Variants in DCDC2C observed in about 807,000 individuals in gnomAD.
DCDC2C encodes the protein doublecortin domain containing 2C.
Under a neutral mutation model 45.0 loss-of-function variants are expected in DCDC2C, and 44 were observed. The ratio of observed to expected loss-of-function variants is 0.98; its 90% CI spans 0.77 to 1.26. The LOEUF is 1.26. Ranked by LOEUF, DCDC2C falls within the 50% of genes most tolerant of loss-of-function variation. The probability of loss-of-function intolerance (pLI) is 0.00; values close to 1 mark genes in which losing one functional copy is unlikely to be tolerated. For synonymous variants in DCDC2C, 187 were observed against 178.8 expected, an observed-to-expected ratio of 1.05 and a Z score of -0.37; for missense variants, 447 against 468.9, an observed-to-expected ratio of 0.95 and a Z score of 0.43.
intron 10 of DCDC2C, among the ~76,000 whole-genome samples, chr2:3,797,044 A>C (rs995213204): frequency 7.6e-4 from 116 of 152,106 alleles, no homozygotes; most frequent in African/African-American, 2.6e-3. Flanking sequence ...CCACAATTTC[A>C]GCTTCTGTTA....
intron 10 of DCDC2C, among the ~76,000 whole-genome samples, chr2:3,828,972 G>A (rs771246113): frequency 7.9e-5 from 12 of 152,132 alleles, no homozygotes; most frequent in African/African-American, 2.9e-4. Context: ...ATTAGGAAGC[G>A]GAGGGGTATT....
At chr2:3,705,285 T>C (rs1668037063) in intron 1 of DCDC2C, among the ~76,000 whole-genome samples, 1 of 152,224 alleles carries the variant, frequency 6.6e-6, no homozygotes, top group African/African-American at 2.4e-5. Context: ...TGCTAAGAGG[T>C]AGAATCTGGA....
chr2:3,815,951 A>G (rs1276094295), intron 10 of DCDC2C, among the ~76,000 whole-genome samples: 11 of 152,210 alleles, frequency 7.2e-5, no homozygotes, highest in African/African-American at 2.7e-4. Context: ...TCTTATATTT[A>G]CAAGAAAAAT....
chr2:3,766,137 G>A (rs1572599154), intron 6 of DCDC2C, among the ~76,000 whole-genome samples: 1 of 152,064 alleles, frequency 6.6e-6, no homozygotes, highest in South Asian at 2.1e-4. Context: ...CCGGGGTGGT[G>A]GGGGCTGGGT....
chr2:3,781,048 C>T (rs1301560356), intron 9 of DCDC2C, among the ~76,000 whole-genome samples: 2 of 152,246 alleles, frequency 1.3e-5, no homozygotes, highest in Admixed American at 1.3e-4. Flanking sequence ...TCAGTCTTTG[C>T]TTCTAACATG....
intron 2 of DCDC2C, among the ~76,000 whole-genome samples, chr2:3,711,186 T>C (rs1668198889): frequency 6.6e-6 from 1 of 152,100 alleles, no homozygotes; most frequent in African/African-American, 2.4e-5. Flanking sequence ...TTTTACACTG[T>C]TGGTGGGAGG....
chr2:3,715,921 C>T (rs957794242), intron 2 of DCDC2C, among the ~76,000 whole-genome samples: 1 of 152,022 alleles, frequency 6.6e-6, no homozygotes. Flanking sequence ...TTTAGGATGA[C>T]CAGGTGGTCT....
intron 3 of DCDC2C, among the ~76,000 whole-genome samples, chr2:3,728,313 C>T (rs1025857513): frequency 5.9e-5 from 9 of 152,240 alleles, no homozygotes; most frequent in Non-Finnish European, 1.3e-4. Context: ...CACAAGGGGG[C>T]CACCTAAATA....
rs981514761 is a variant in DCDC2C at position 3,818,299 on chromosome 2, G to A, written c.1066-28855G>A. Among the ~76,000 whole-genome samples, 2 of 152,186 alleles carry A rather than the reference G, an allele frequency of 1.3e-5. No individual in the cohort carries two copies. Among genetic ancestry groups the A allele is most frequent in the African/African-American group, 4.8e-5 (2 of 41,442 alleles). ...CCCAGGTAATTTGCTGAGCCTGATG[G>A]GTGTCAGGGTCTGTCCAAGTGAAAG... is the stretch of plus-strand genomic sequence containing the variant. On this transcript the variant is annotated intron_variant, in intron 10 of 10. Transcript: ENST00000399143. This position sits in a 1 kb window ranked among gnomAD's most constrained non-coding sequence, Gnocchi z 4.7.
chr2:3,806,357 C>T (rs1210282243), intron 10 of DCDC2C, among the ~76,000 whole-genome samples: 2 of 152,234 alleles, frequency 1.3e-5, no homozygotes, highest in Non-Finnish European at 2.9e-5. Context: ...CAGCTTCCCT[C>T]ACCCGTTTCT....
intron 8 of DCDC2C, among the ~76,000 whole-genome samples, chr2:3,772,156 T>C (rs556464904): frequency 1.3e-5 from 2 of 152,318 alleles, no homozygotes; most frequent in East Asian, 3.9e-4. Flanking sequence ...CCTTCTAGGT[T>C]GAAGAAGGGA....
At chr2:3,763,137 G>A (rs376587503) in intron 6 of DCDC2C, among the ~76,000 whole-genome samples, 10 of 152,254 alleles carry the variant, frequency 6.6e-5, no homozygotes, top group East Asian at 5.8e-4. Flanking sequence ...CAGTGTGTCC[G>A]GAGTCAAGTC....
chr2:3,704,126 C>A, intron 1 of DCDC2C, 88 bp downstream of exon 1: 2 of 1,122,222 alleles, frequency 1.8e-6, no homozygotes, highest in Non-Finnish European at 2.2e-6. Context: ...CCCCAGGTGT[C>A]CTCCCCAGGC....
intron 3 of DCDC2C, among the ~76,000 whole-genome samples, chr2:3,737,361 C>T (rs1382249122): frequency 2.0e-5 from 3 of 152,100 alleles, no homozygotes; most frequent in South Asian, 2.1e-4. Context: ...AGGGCGCAGG[C>T]GGCCAGCCCA....
At chr2:3,755,231 G>T (rs1438117309) in intron 6 of DCDC2C, among the ~76,000 whole-genome samples, 1 of 151,304 alleles carries the variant, frequency 6.6e-6, no homozygotes, top group Non-Finnish European at 1.5e-5. Flanking sequence ...TGTGCATGAT[G>T]TGTATATGAT....
At chr2:3,741,804 G>A (rs1669218415) in intron 3 of DCDC2C, 116 bp from the exon 4 acceptor site, 2 of 1,120,458 alleles carry the variant, frequency 1.8e-6, no homozygotes, top group Non-Finnish European at 2.5e-6. Flanking sequence ...AGTATTGGAG[G>A]CTGCTTAGTG....
At chr2:3,729,490 G>C (rs1490316021) in intron 3 of DCDC2C, among the ~76,000 whole-genome samples, 3 of 152,220 alleles carry the variant, frequency 2.0e-5, no homozygotes, top group Non-Finnish European at 4.4e-5. Context: ...GTTTTAAAGG[G>C]GGAATGAGAT....
At chr2:3,791,333 T>G (rs1446364728) in intron 10 of DCDC2C, among the ~76,000 whole-genome samples, 1 of 152,022 alleles carries the variant, frequency 6.6e-6, no homozygotes, top group Non-Finnish European at 1.5e-5. Context: ...GGCTCCACTC[T>G]TCATTAATCA....
At chr2:3,824,998 C>T (rs1671779169) in intron 10 of DCDC2C, among the ~76,000 whole-genome samples, 1 of 152,182 alleles carries the variant, frequency 6.6e-6, no homozygotes. Flanking sequence ...GGGTCTTCAT[C>T]AGTTCCCTGG....
Sources: allele counts gnomAD v4.1 joint callset (sites outside exome capture counted in the v4.1 genomes callset), GRCh38; gene constraint gnomAD v4.1.1; non-coding constraint Gnocchi (gnomAD v3.1); transcripts MANE v1.5; gene names NCBI Gene and HGNC (gene_info 2026-07-23, HGNC 2026-07-21).